The following DPYD variants were observed in gnomAD, a reference collection of about 807,000 sequenced individuals.
The protein encoded by DPYD is dihydropyrimidine dehydrogenase.
A neutral mutation model predicts 116.2 loss-of-function variants in DPYD; 109 were observed. The observed-to-expected ratio is 0.94, with a 90% confidence interval of 0.80 to 1.10. The LOEUF is 1.10. Ranked by LOEUF, DPYD falls within the 50% of genes least tolerant of loss-of-function variation. The probability of loss-of-function intolerance (pLI) is 0.00; values close to 1 mark genes in which losing one functional copy is unlikely to be tolerated. For missense variants in DPYD, 1,302 were observed against 1,254.5 expected (o/e 1.04, Z -0.57); for synonymous variants, 440 against 432.0 (o/e 1.02, Z -0.23).
At chr1:97,125,021 CTCTT>C (rs1389182637) in intron 20 of DPYD, among the ~76,000 whole-genome samples, 2 of 152,060 alleles carry the variant, frequency 1.3e-5, no homozygotes, top group Non-Finnish European at 2.9e-5. Flanking sequence ...AACTTCAAAA[CTCTT>C]TTTTTAGAAT....
At chr1:97,878,705 A>G (rs1672038514) in intron 2 of DPYD, among the ~76,000 whole-genome samples, 1 of 151,994 alleles carries the variant, frequency 6.6e-6, no homozygotes, top group Non-Finnish European at 1.5e-5. Context: ...CATGGTCCAC[A>G]CTGAAAGCTA....
rs72734015 is a variant in DPYD, at chr1:97,726,673, T to A, written c.322-5002A>T. On this transcript the variant is annotated intron_variant, in intron 4 of 22. Coordinates refer to ENST00000370192, the MANE Select transcript of DPYD (RefSeq NM_000110.4). ...AACAGTATCATGCAAAAAAATGTGATCTGCAATTGGTAGACCACTTTTAAG... is the reference window on the plus strand; with the variant it reads ...AACAGTATCATGCAAAAAAATGTGAACTGCAATTGGTAGACCACTTTTAAG... Among the ~76,000 whole-genome samples the A allele has an allele frequency of 7.7e-4, 117 of 151,328 alleles. 2 individuals are homozygous for A. The Middle Eastern group carries it at 0.01, about 13-fold the overall frequency.
intron 3 of DPYD, among the ~76,000 whole-genome samples, chr1:97,769,334 C>T (rs1181327061): frequency 6.6e-5 from 10 of 152,084 alleles, no homozygotes; most frequent in Non-Finnish European, 1.5e-4. Flanking sequence ...TAACAGGCTT[C>T]TTCTTTACCT....
intron 20 of DPYD, among the ~76,000 whole-genome samples, chr1:97,182,356 T>A (rs1460137108): frequency 6.6e-6 from 1 of 152,164 alleles, no homozygotes; most frequent in Non-Finnish European, 1.5e-5. Flanking sequence ...ATGCAGTACA[T>A]TCTGATCTGA....
intron 10 of DPYD, among the ~76,000 whole-genome samples, chr1:97,576,481 ATC>A (rs1370615410): frequency 6.6e-6 from 1 of 152,186 alleles, no homozygotes; most frequent in African/African-American, 2.4e-5. Flanking sequence ...CATATAGATA[ATC>A]TCTTATATAT....
At chr1:97,603,044 T>G (rs1193445388) in intron 8 of DPYD, among the ~76,000 whole-genome samples, 1 of 151,998 alleles carries the variant, frequency 6.6e-6, no homozygotes, top group East Asian at 1.9e-4. Context: ...TTTATTTCCC[T>G]CCCTTCTATT....
chr1:97,775,822 A>T (rs1666372195), intron 3 of DPYD, among the ~76,000 whole-genome samples: 1 of 152,212 alleles, frequency 6.6e-6, no homozygotes, highest in Non-Finnish European at 1.5e-5. Flanking sequence ...GAATTCAAGA[A>T]ATCCCACATT....
chr1:97,874,209 T>C (rs962773107), intron 2 of DPYD, among the ~76,000 whole-genome samples: 3 of 151,908 alleles, frequency 2.0e-5, no homozygotes, highest in Admixed American at 2.0e-4. Flanking sequence ...CCCTACATCA[T>C]AGAACTTCAG....
At chr1:97,485,459 C>A (rs1212702778) in intron 13 of DPYD, among the ~76,000 whole-genome samples, 1 of 152,196 alleles carries the variant, frequency 6.6e-6, no homozygotes, top group Non-Finnish European at 1.5e-5. Flanking sequence ...ACCTTAGCCT[C>A]CCAAAGTGCT....
intron 8 of DPYD, among the ~76,000 whole-genome samples, chr1:97,662,413 A>G (rs910053536): frequency 2.6e-5 from 4 of 150,970 alleles, no homozygotes; most frequent in African/African-American, 9.7e-5. Context: ...CGGGCAAATG[A>G]CGAGGTCCAG....
intron 3 of DPYD, among the ~76,000 whole-genome samples, chr1:97,769,327 C>T (rs974933655): frequency 6.6e-6 from 1 of 152,072 alleles, no homozygotes; most frequent in African/African-American, 2.4e-5. Context: ...AAGGTGGTAA[C>T]AGGCTTCTTC....
intron 8 of DPYD, among the ~76,000 whole-genome samples, chr1:97,625,049 A>G (rs1656849351): frequency 6.6e-6 from 1 of 152,016 alleles, no homozygotes; most frequent in Non-Finnish European, 1.5e-5. Context: ...TGCACAGCAC[A>G]GTGAATATAG....
chr1:97,698,001 AGATT>A (rs1219785089), intron 6 of DPYD, among the ~76,000 whole-genome samples: 4 of 152,044 alleles, frequency 2.6e-5, no homozygotes, highest in Non-Finnish European at 5.9e-5. Flanking sequence ...TATTGTTAAT[AGATT>A]ATGTTTTTTC....
At position 97,702,067 on chromosome 1, in the gene DPYD, T is replaced by C. The variant is rs976245084; in HGVS notation, c.484-2520A>G. ...CAAACAGTACAGATTTTCTTAAATA[T>C]TGTTTTTGAATCAACATATACTGTT... On this transcript the variant is annotated intron_variant, in intron 5 of 22. Coordinates refer to ENST00000370192, the MANE Select transcript of DPYD (RefSeq NM_000110.4). 5.9e-5 allele frequency among the ~76,000 whole-genome samples: 9 copies of C among 151,882 alleles called. No individual in the cohort carries two copies. The East Asian group carries it at 1.7e-3, about 29-fold the overall frequency.
chr1:97,905,359 T>C (rs1489589848), intron 1 of DPYD, among the ~76,000 whole-genome samples: 1 of 152,012 alleles, frequency 6.6e-6, no homozygotes, highest in Non-Finnish European at 1.5e-5. Flanking sequence ...AATGACATCA[T>C]TATCATTATA....
intron 16 of DPYD, among the ~76,000 whole-genome samples, chr1:97,310,083 C>G (rs1667410106): frequency 6.6e-6 from 1 of 151,738 alleles, no homozygotes; most frequent in Non-Finnish European, 1.5e-5. Context: ...AGAAACATTT[C>G]TCTCCCATTT....
At chr1:97,451,661 G>A (rs1023472300) in intron 13 of DPYD, among the ~76,000 whole-genome samples, 4 of 152,106 alleles carry the variant, frequency 2.6e-5, no homozygotes, top group African/African-American at 7.2e-5. Context: ...AGCCTTGTGG[G>A]TCAATTTCCA....
intron 2 of DPYD, among the ~76,000 whole-genome samples, chr1:97,878,243 C>T (rs1672020391): frequency 6.6e-6 from 1 of 151,866 alleles, no homozygotes; most frequent in Admixed American, 6.6e-5. Flanking sequence ...TTCTAGATTA[C>T]TGAGTCTTTG....
At position 97,619,824 on chromosome 1, in the gene DPYD, G is replaced by A. The variant is rs75951253; in HGVS notation, c.851-24658C>T. Reference sequence around the variant, plus strand: ...TGAAAACATTATTTTCTGGGCTTAAGGCCTTAAAGTATTGCCAGTGGCATT... The same window carrying A: ...TGAAAACATTATTTTCTGGGCTTAAAGCCTTAAAGTATTGCCAGTGGCATT... On this transcript the variant is annotated intron_variant, in intron 8 of 22. Coordinates refer to ENST00000370192, the MANE Select transcript of DPYD (RefSeq NM_000110.4). Among the ~76,000 whole-genome samples the A allele has an allele frequency of 1.7e-4, 26 of 152,166 alleles. No individual in the cohort carries two copies. In the East Asian group the frequency reaches 4.8e-3, roughly 28 times the overall value.
Sources: gnomAD v4.1 joint callset for allele counts (sites outside exome capture counted in the v4.1 genomes callset) on GRCh38, gnomAD v4.1.1 for gene constraint, MANE v1.5 for transcripts, NCBI Gene and HGNC (gene_info 2026-07-23, HGNC 2026-07-21) for gene names.